ERC1: variants seen among roughly 807,000 people sequenced by gnomAD.
ERC1 encodes ELKS/RAB6-interacting/CAST family member 1, also known as RAB6 interacting protein 2.
In ERC1, 56 loss-of-function variants were observed where a neutral mutation model predicts 132.0. The ratio of observed to expected loss-of-function variants is 0.42; its 90% CI spans 0.34 to 0.53. ERC1 has a LOEUF of 0.53. Among genes scored for constraint, ERC1 ranks in the 20% least tolerant of loss-of-function variants. The probability of loss-of-function intolerance (pLI) is 0.03; values close to 1 mark genes in which losing one functional copy is unlikely to be tolerated. For missense variants in ERC1, 1,202 were observed against 1,349.9 expected, an observed-to-expected ratio of 0.89 and a Z score of 1.72; for synonymous variants, 478 against 476.1, an observed-to-expected ratio of 1.00 and a Z score of -0.05.
intron 17 of ERC1, among the ~76,000 whole-genome samples, chr12:1,435,578 C>T (rs957285052): frequency 2.6e-5 from 4 of 152,170 alleles, no homozygotes; most frequent in South Asian, 4.1e-4. Context: ...TCCTCATCCT[C>T]TTGGTGATAC....
chr12:1,014,321 G>A (rs528224318), intron 1 of ERC1, among the ~76,000 whole-genome samples: 9 of 152,168 alleles, frequency 5.9e-5, no homozygotes, highest in African/African-American at 7.2e-5. Flanking sequence ...GATCATAGGC[G>A]TGTGCCATCA....
chr12:1,009,198 A>G (rs552212775), intron 1 of ERC1, among the ~76,000 whole-genome samples: 18 of 150,964 alleles, frequency 1.2e-4, no homozygotes, highest in Admixed American at 3.3e-4. Context: ...TTTTTGAGAC[A>G]GAGTCTCTCT....
At chr12:1,094,630 C>G (rs958867514) in intron 3 of ERC1, among the ~76,000 whole-genome samples, 2 of 152,100 alleles carry the variant, frequency 1.3e-5, no homozygotes, top group East Asian at 1.9e-4. Context: ...AGGCTGGTCT[C>G]GAACTCCTGA....
intron 8 of ERC1, among the ~76,000 whole-genome samples, chr12:1,146,224 GTT>G (rs1172478717): frequency 7.0e-6 from 1 of 142,326 alleles, no homozygotes; most frequent in Non-Finnish European, 1.5e-5. Flanking sequence ...GTTTCCATTT[GTT>G]TGTGTCATCT....
At chr12:1,209,991 C>T (rs1345572827) in intron 12 of ERC1, among the ~76,000 whole-genome samples, 3 of 152,136 alleles carry the variant, frequency 2.0e-5, no homozygotes, top group African/African-American at 4.8e-5. Flanking sequence ...GTACAAGAGT[C>T]AGGTTAAGAT....
At chr12:1,006,628 T>C (rs370591244) in intron 1 of ERC1, among the ~76,000 whole-genome samples, 1 of 151,634 alleles carries the variant, frequency 6.6e-6, no homozygotes, top group Non-Finnish European at 1.5e-5. Flanking sequence ...AACCCTGGGC[T>C]CAAGTGATCC....
chr12:1,060,720 GGAAATTTTTTTTT>G (rs1937654624), intron 2 of ERC1, among the ~76,000 whole-genome samples: 1 of 111,578 alleles, frequency 9.0e-6, no homozygotes. Context: ...ACATAACGTG[GGAAATTTTTTTTT>G]TTTTTTTTTT....
intron 15 of ERC1, among the ~76,000 whole-genome samples, chr12:1,358,877 C>T (rs2085795616): frequency 6.6e-6 from 1 of 152,350 alleles, no homozygotes; most frequent in Non-Finnish European, 1.5e-5. Context: ...GATTGATTTT[C>T]ATATGCTAAA....
At chr12:1,462,876 C>T (rs1185108128) in intron 18 of ERC1, among the ~76,000 whole-genome samples, 1 of 152,162 alleles carries the variant, frequency 6.6e-6, no homozygotes, top group African/African-American at 2.4e-5. Flanking sequence ...AGTAGTACAA[C>T]TGATAGGCAG....
chr12:1,385,474 G>A (rs1263092840), intron 16 of ERC1, among the ~76,000 whole-genome samples: 1 of 151,896 alleles, frequency 6.6e-6, no homozygotes, highest in Non-Finnish European at 1.5e-5. Context: ...TAGTAGAGAC[G>A]GGGGTTTCAC....
chr12:1,038,301 C>T (rs1969494837), intron 2 of ERC1, among the ~76,000 whole-genome samples: 1 of 152,064 alleles, frequency 6.6e-6, no homozygotes, highest in Admixed American at 6.5e-5. Flanking sequence ...CTCCCCATCT[C>T]CTTTCCTTCT....
chr12:1,121,197 A>T (rs1947044632), intron 7 of ERC1, among the ~76,000 whole-genome samples: 1 of 152,256 alleles, frequency 6.6e-6, no homozygotes, highest in Non-Finnish European at 1.5e-5. Context: ...TACATGACCT[A>T]GTGCCCGATC....
intron 1 of ERC1, among the ~76,000 whole-genome samples, chr12:1,003,096 C>CAAAAAAAAAAAAAAAAAA (rs59507923): frequency 1.0e-4 from 9 of 86,852 alleles, no homozygotes; most frequent in Admixed American, 3.1e-4. Flanking sequence ...ATGAAAAATG[C>CAAAAAAAAAAAAAAAAAA]AAAAAAAAAA....
chr12:1,236,684 T>C, intron 12 of ERC1, 85 bp from the exon 13 acceptor site: 1 of 1,344,546 alleles, frequency 7.4e-7, no homozygotes, highest in African/African-American at 1.5e-5. Flanking sequence ...CCATTCCTTA[T>C]TGTCACTGGT....
At chr12:1,211,687 G>A (rs1957889060) in intron 12 of ERC1, among the ~76,000 whole-genome samples, 1 of 151,546 alleles carries the variant, frequency 6.6e-6, no homozygotes. Flanking sequence ...AGCCTCTCTA[G>A]TAGCTGGGAT....
chr12:1,430,249 A>G (rs538767396), intron 17 of ERC1: 1 of 152,370 alleles, frequency 6.6e-6, no homozygotes, highest in South Asian at 2.1e-4. Context: ...ACCTAGAATC[A>G]TAAGTTACAC....
chr12:1,149,869 T>G (rs1950684826), intron 8 of ERC1, among the ~76,000 whole-genome samples: 1 of 152,190 alleles, frequency 6.6e-6, no homozygotes, highest in Admixed American at 6.5e-5. Context: ...TTTGCCCGCT[T>G]TGTGAGGTAT....
chr12:1,413,874 C>A lies in ERC1; in HGVS notation c.3024+5627C>A, dbSNP rs2091973835. 2.0e-5 allele frequency among the ~76,000 whole-genome samples: 3 copies of A among 152,344 alleles called. No individual in the cohort carries two copies. In the South Asian group the frequency reaches 6.2e-4, roughly 32 times the overall value. ...TCATAGACTGGATGGCTTAAACCAGCAGTCCCCAACCTTTCTGGCACCAGG... is the reference window on the plus strand; with the variant it reads ...TCATAGACTGGATGGCTTAAACCAGAAGTCCCCAACCTTTCTGGCACCAGG... On this transcript the variant is annotated intron_variant, in intron 17 of 18. Coordinates refer to ENST00000360905, the MANE Select transcript of ERC1 (RefSeq NM_178040.4).
intron 8 of ERC1, among the ~76,000 whole-genome samples, chr12:1,177,376 T>C (rs1370556363): frequency 1.3e-5 from 2 of 152,240 alleles, no homozygotes; most frequent in African/African-American, 4.8e-5. Context: ...AAACTCTGCA[T>C]GTAGCATTTG....
Sources: allele counts gnomAD v4.1 joint callset (sites outside exome capture counted in the v4.1 genomes callset), GRCh38; gene constraint gnomAD v4.1.1; transcripts MANE v1.5; gene names NCBI Gene and HGNC (gene_info 2026-07-23, HGNC 2026-07-21).